PPM1L: variants seen among roughly 807,000 people sequenced by gnomAD.
PPM1L encodes the protein protein phosphatase, Mg2+/Mn2+ dependent 1L.
A neutral mutation model predicts 31.4 loss-of-function variants in PPM1L; 13 were observed. The observed-to-expected ratio is 0.41, with a 90% CI of 0.27 to 0.66. The LOEUF (loss-of-function observed/expected upper bound fraction) is 0.66, where lower values mean the gene tolerates loss of function less well. Ranked by LOEUF, PPM1L falls within the 30% of genes least tolerant of loss-of-function variation. PPM1L has a pLI of 0.29. For synonymous variants in PPM1L, 184 were observed against 175.4 expected, an observed-to-expected ratio of 1.05 and a Z score of -0.39; for missense variants, 326 against 453.7, an observed-to-expected ratio of 0.72 and a Z score of 2.56.
At chr3:160,929,637 C>T (rs1425534726) in intron 1 of PPM1L, among the ~76,000 whole-genome samples, 2 of 152,180 alleles carry the variant, frequency 1.3e-5, no homozygotes, top group African/African-American at 2.4e-5. Context: ...ATTTTATTTA[C>T]TTGTAGTGTA....
intron 1 of PPM1L, among the ~76,000 whole-genome samples, chr3:160,800,971 G>GT (rs1462352879): frequency 6.6e-6 from 1 of 152,110 alleles, no homozygotes; most frequent in Non-Finnish European, 1.5e-5. Context: ...ACTGCATAAA[G>GT]TTTTTATTTT....
chr3:160,841,963 G>C (rs1478099300), intron 1 of PPM1L, among the ~76,000 whole-genome samples: 1 of 152,000 alleles, frequency 6.6e-6, no homozygotes, highest in Non-Finnish European at 1.5e-5. Flanking sequence ...TTTGTTCCTG[G>C]TTAAATGTTA....
chr3:160,964,845 C>T (rs987645060), intron 2 of PPM1L, among the ~76,000 whole-genome samples: 1 of 151,966 alleles, frequency 6.6e-6, no homozygotes, highest in Admixed American at 6.6e-5. Flanking sequence ...TTACTACCTC[C>T]TCCTCCATAA....
chr3:161,014,016 A>G (rs1359232349), intron 2 of PPM1L, among the ~76,000 whole-genome samples: 1 of 152,144 alleles, frequency 6.6e-6, no homozygotes, highest in Non-Finnish European at 1.5e-5. Context: ...CATTTAGCCC[A>G]TTTACATTTA....
intron 1 of PPM1L, among the ~76,000 whole-genome samples, chr3:160,836,677 A>T (rs1713726316): frequency 6.6e-6 from 1 of 152,128 alleles, no homozygotes. Context: ...AGATTATCTG[A>T]GTGTAGTTTG....
chr3:161,066,006 C>T (rs1719728734), intron 3 of PPM1L, among the ~76,000 whole-genome samples: 1 of 152,256 alleles, frequency 6.6e-6, no homozygotes, highest in Non-Finnish European at 1.5e-5. Flanking sequence ...CCATGTCACA[C>T]TGTGGCAAGG....
chr3:160,967,272 A>C (rs542091581), intron 2 of PPM1L, among the ~76,000 whole-genome samples: 2 of 151,942 alleles, frequency 1.3e-5, no homozygotes, highest in Admixed American at 6.6e-5. Flanking sequence ...CTTTTTCTTT[A>C]TAATTACCCA....
chr3:160,809,363 C>T (rs1378654), intron 1 of PPM1L, among the ~76,000 whole-genome samples: 64,064 of 151,762 alleles, frequency 0.42, 14,256 homozygotes, highest in East Asian at 0.59. Context: ...CTTTACCTCC[C>T]TCTTCCTCCC....
At chr3:161,022,539 G>T (rs1007687491) in intron 2 of PPM1L, 1 of 168,698 alleles carries the variant, frequency 5.9e-6, no homozygotes, top group Non-Finnish European at 1.3e-5. Context: ...TCAAATCACT[G>T]TTTAGCATCC....
At chr3:161,014,683 C>G (rs1339155539) in intron 2 of PPM1L, among the ~76,000 whole-genome samples, 1 of 152,086 alleles carries the variant, frequency 6.6e-6, no homozygotes, top group Admixed American at 6.6e-5. Context: ...CCTTGGTCAG[C>G]CTTGTCTCAA....
At chr3:161,034,404 G>T (rs1236048959) in intron 2 of PPM1L, among the ~76,000 whole-genome samples, 1 of 152,164 alleles carries the variant, frequency 6.6e-6, no homozygotes, top group African/African-American at 2.4e-5. Context: ...TATGTTTATT[G>T]TGGCACTGTT....
intron 1 of PPM1L, among the ~76,000 whole-genome samples, chr3:160,875,432 T>C (rs1712472771): frequency 6.6e-6 from 1 of 152,246 alleles, no homozygotes; most frequent in Admixed American, 6.5e-5. Context: ...AAGATGTTGC[T>C]TGGTAGTCCC....
At chr3:161,041,385 G>T (rs1281372233) in intron 2 of PPM1L, among the ~76,000 whole-genome samples, 1 of 152,132 alleles carries the variant, frequency 6.6e-6, no homozygotes, top group East Asian at 1.9e-4. Context: ...GCACATGTTC[G>T]CAGGATCTCC....
intron 2 of PPM1L, among the ~76,000 whole-genome samples, chr3:160,973,158 C>G (rs528760869): frequency 6.6e-6 from 1 of 152,268 alleles, no homozygotes; most frequent in African/African-American, 2.4e-5. Context: ...CCAGAAACCA[C>G]AAAGGAACAC....
intron 2 of PPM1L, among the ~76,000 whole-genome samples, chr3:161,012,457 A>G (rs1291398966): frequency 6.6e-6 from 1 of 152,044 alleles, no homozygotes; most frequent in East Asian, 1.9e-4. Flanking sequence ...AATGTTAATC[A>G]AGGATATTGG....
chr3:160,972,140 T>C (rs2108117353), intron 2 of PPM1L, among the ~76,000 whole-genome samples: 1 of 152,362 alleles, frequency 6.6e-6, no homozygotes, highest in South Asian at 2.1e-4. Context: ...TAATATGCTA[T>C]CAGCATTGCC....
intron 2 of PPM1L, among the ~76,000 whole-genome samples, chr3:161,011,898 C>T (rs1717907121): frequency 6.6e-6 from 1 of 152,146 alleles, no homozygotes; most frequent in Non-Finnish European, 1.5e-5. Flanking sequence ...AGTTGCCTAT[C>T]AGCTTAAGGA....
At chr3:160,811,400 A>G (rs1712800383) in intron 1 of PPM1L, among the ~76,000 whole-genome samples, 1 of 152,270 alleles carries the variant, frequency 6.6e-6, no homozygotes, top group Non-Finnish European at 1.5e-5. Context: ...TTGACAAACT[A>G]TGGCCTGTGG....
intron 1 of PPM1L, among the ~76,000 whole-genome samples, chr3:160,928,542 G>A (rs1714675886): frequency 6.6e-6 from 1 of 152,218 alleles, no homozygotes; most frequent in Non-Finnish European, 1.5e-5. Context: ...CTATTGGAGA[G>A]AATATGATAG....
Sources: gnomAD v4.1 joint callset for allele counts (sites outside exome capture counted in the v4.1 genomes callset) on GRCh38, gnomAD v4.1.1 for gene constraint, MANE v1.5 for transcripts, NCBI Gene and HGNC (gene_info 2026-07-23, HGNC 2026-07-21) for gene names.